ARID1B: variants seen among roughly 807,000 people sequenced by gnomAD.
ARID1B encodes the protein AT-rich interactive domain-containing protein 1B.
Under a neutral mutation model 212.3 loss-of-function variants are expected in ARID1B, and 30 were observed. The ratio of observed to expected loss-of-function variants is 0.14; its 90% CI spans 0.11 to 0.19. ARID1B has a LOEUF of 0.19. ARID1B is among the 10% of genes least tolerant of loss of function. The pLI is 1.00. For synonymous variants in ARID1B, 1,402 were observed against 1,301.7 expected (o/e 1.08, Z -1.66); for missense variants, 2,891 against 3,204.0 (o/e 0.90, Z 2.36).
intron 3 of ARID1B, among the ~76,000 whole-genome samples, chr6:156,905,463 A>G (rs758044606): frequency 3.3e-5 from 5 of 152,170 alleles, no homozygotes; most frequent in Admixed American, 6.5e-5. Flanking sequence ...AACTAAATGG[A>G]TAAGGCCCAC....
At chr6:156,930,280 G>T (rs1791592266) in intron 3 of ARID1B, among the ~76,000 whole-genome samples, 1 of 152,138 alleles carries the variant, frequency 6.6e-6, no homozygotes, top group Admixed American at 6.5e-5. Flanking sequence ...GTTCTCATGA[G>T]ACCTGGTTGT....
intron 4 of ARID1B, chr6:157,071,396 TTCCTC>T (rs1783996691): frequency 2.6e-5 from 4 of 152,212 alleles, no homozygotes; most frequent in Non-Finnish European, 5.9e-5. Flanking sequence ...AGGATACTCT[TTCCTC>T]TCCATTTCAT....
At chr6:157,002,348 T>G (rs974217743) in intron 4 of ARID1B, among the ~76,000 whole-genome samples, 1 of 152,274 alleles carries the variant, frequency 6.6e-6, no homozygotes, top group South Asian at 2.1e-4. Flanking sequence ...CTCTGCTTAC[T>G]GTTTTAGTTT....
intron 3 of ARID1B, among the ~76,000 whole-genome samples, chr6:156,913,255 C>A (rs1790058484): frequency 7.1e-6 from 1 of 141,320 alleles, no homozygotes; most frequent in African/African-American, 2.7e-5. Flanking sequence ...ATCGCCCTGT[C>A]ACTCAGGCTG....
chr6:156,950,152 A>G (rs1009561745), intron 4 of ARID1B, among the ~76,000 whole-genome samples: 1 of 152,184 alleles, frequency 6.6e-6, no homozygotes, highest in African/African-American at 2.4e-5. Context: ...TCCCTTGCTC[A>G]TTTCAGCTCA....
In ARID1B at chr6:157,094,759, G is replaced by A. The variant is rs118110212; in HGVS notation, c.2491+9854G>A. ...GGAGGCTCACTGTGGCTGCTAAGTGGACAGTATACTGTAGGGGAAGGTGGG... is the reference window on the plus strand; with the variant it reads ...GGAGGCTCACTGTGGCTGCTAAGTGAACAGTATACTGTAGGGGAAGGTGGG... On this transcript the variant is annotated intron_variant, in intron 5 of 19. Coordinates refer to ENST00000636930, the MANE Select transcript of ARID1B (RefSeq NM_001374828.1). This position sits in a 1 kb window ranked among gnomAD's most constrained non-coding sequence, Gnocchi z 4.3. Among the ~76,000 whole-genome samples the A allele has an allele frequency of 9.5e-4, 144 of 152,288 alleles. 1 individual carries two copies. Among genetic ancestry groups the A allele is most frequent in the East Asian group, 5.6e-3 (29 of 5,174 alleles).
At chr6:157,012,154 A>G (rs1779652220) in intron 4 of ARID1B, among the ~76,000 whole-genome samples, 1 of 152,274 alleles carries the variant, frequency 6.6e-6, no homozygotes. Context: ...TTCTGAAAGA[A>G]CTGCAGGATG....
At chr6:157,154,109 GA>G (rs1345264735) in intron 8 of ARID1B, among the ~76,000 whole-genome samples, 1 of 152,126 alleles carries the variant, frequency 6.6e-6, no homozygotes, top group Non-Finnish European at 1.5e-5. Flanking sequence ...AAATACAACT[GA>G]TTGTGGATTT....
At chr6:156,983,931 C>T (rs913738798) in intron 4 of ARID1B, among the ~76,000 whole-genome samples, 2 of 152,186 alleles carry the variant, frequency 1.3e-5, no homozygotes, top group South Asian at 4.1e-4. Flanking sequence ...ATTGACCTTG[C>T]TTTTCTCATT....
intron 1 of ARID1B, among the ~76,000 whole-genome samples, chr6:156,783,439 A>G (rs1013700070): frequency 1.3e-5 from 2 of 152,188 alleles, no homozygotes; most frequent in Non-Finnish European, 2.9e-5. Context: ...TTAGACACAG[A>G]TACCTTTTAA....
chr6:156,784,354 T>C (rs1269040695), intron 1 of ARID1B, among the ~76,000 whole-genome samples: 2 of 152,228 alleles, frequency 1.3e-5, no homozygotes, highest in Non-Finnish European at 1.5e-5. Flanking sequence ...TTCTGTATCA[T>C]AGATGTAGAA....
chr6:156,882,450 A>G (rs1787174215), intron 2 of ARID1B, among the ~76,000 whole-genome samples: 1 of 152,220 alleles, frequency 6.6e-6, no homozygotes, highest in Non-Finnish European at 1.5e-5. Flanking sequence ...TCATTGCACA[A>G]TAAAGTATCA....
At chr6:156,899,976 G>A (rs1788788403) in intron 2 of ARID1B, among the ~76,000 whole-genome samples, 1 of 152,214 alleles carries the variant, frequency 6.6e-6, no homozygotes, top group Non-Finnish European at 1.5e-5. Context: ...GGAAGGATGT[G>A]TGTTGTAGTG....
At chr6:156,812,876 A>G (rs1229323418) in intron 1 of ARID1B, among the ~76,000 whole-genome samples, 1 of 113,238 alleles carries the variant, frequency 8.8e-6, no homozygotes, top group Admixed American at 8.3e-5. Flanking sequence ...GGTATGTTAT[A>G]AAAAAAAAAA....
chr6:157,157,274 A>G (rs1001347080), intron 8 of ARID1B, among the ~76,000 whole-genome samples: 1 of 152,142 alleles, frequency 6.6e-6, no homozygotes, highest in African/African-American at 2.4e-5. Flanking sequence ...CACTTACACC[A>G]GATGTCCTGG....
intron 4 of ARID1B, among the ~76,000 whole-genome samples, chr6:156,972,939 TG>T (rs1341754556): frequency 6.6e-6 from 1 of 152,260 alleles, no homozygotes; most frequent in African/African-American, 2.4e-5. Flanking sequence ...AGTGATACTT[TG>T]GTTGGTATCT....
rs1346673741 is a variant in ARID1B, at chr6:156,779,651, G to C, written c.1791+180G>C. The C allele has an allele frequency of 1.4e-5, 7 of 499,642 alleles. No homozygotes were observed. In the East Asian group the frequency reaches 5.0e-4, roughly 35 times the overall value. The allele number at this position is 499,642 out of a possible 1,614,324, so 31.0% of individuals were successfully genotyped here. On this transcript the variant is annotated intron_variant, in intron 1 of 19. Coordinates refer to ENST00000636930, the MANE Select transcript of ARID1B (RefSeq NM_001374828.1). ...CCGCGGTCGGGGCGCCCCGGGGGCC[G>C]GCGCGCTGTCCAGGCCTGGGAGGGC...
chr6:156,794,334 T>G (rs904326072), intron 1 of ARID1B, among the ~76,000 whole-genome samples: 1 of 152,032 alleles, frequency 6.6e-6, no homozygotes. Flanking sequence ...ACTGCAACCT[T>G]GAATTCCTGG....
chr6:157,081,233 A>C (rs1784613531), intron 4 of ARID1B, among the ~76,000 whole-genome samples: 1 of 152,226 alleles, frequency 6.6e-6, no homozygotes, highest in Non-Finnish European at 1.5e-5. Flanking sequence ...AGATGCAGTA[A>C]GGTCTCTCTG....
Sources: gnomAD v4.1 joint callset for allele counts (sites outside exome capture counted in the v4.1 genomes callset) on GRCh38, gnomAD v4.1.1 for gene constraint, Gnocchi (gnomAD v3.1) non-coding constraint, MANE v1.5 for transcripts, NCBI Gene and HGNC (gene_info 2026-07-23, HGNC 2026-07-21) for gene names.